Variants in BICD1 observed in about 807,000 individuals in gnomAD.
The protein encoded by BICD1 is protein bicaudal D homolog 1.
BICD1 carries 35 observed loss-of-function variants against 92.5 expected under a neutral mutation model. The ratio of observed to expected loss-of-function variants is 0.38; its 90% CI spans 0.29 to 0.50. The LOEUF is 0.50. Ranked by LOEUF, BICD1 falls within the 20% of genes least tolerant of loss-of-function variation. The probability of loss-of-function intolerance (pLI) is 0.93; values close to 1 mark genes in which losing one functional copy is unlikely to be tolerated. For missense variants in BICD1, 950 were observed against 1,189.8 expected, an observed-to-expected ratio of 0.80 and a Z score of 2.97; for synonymous variants, 429 against 465.1, an observed-to-expected ratio of 0.92 and a Z score of 1.00.
chr12:32,307,465 AT>A (rs1948260243), intron 4 of BICD1, among the ~76,000 whole-genome samples: 2 of 152,188 alleles, frequency 1.3e-5, no homozygotes, highest in Admixed American at 1.3e-4. Context: ...ATTTATACAA[AT>A]TGTGGAGCTC....
At chr12:32,257,354 G>A (rs931754001) in intron 2 of BICD1, among the ~76,000 whole-genome samples, 1 of 151,508 alleles carries the variant, frequency 6.6e-6, no homozygotes, top group Non-Finnish European at 1.5e-5. Context: ...AATTATATTT[G>A]TTCTGGAATA....
chr12:32,185,752 C>T (rs1009207814), intron 1 of BICD1, among the ~76,000 whole-genome samples: 1 of 152,108 alleles, frequency 6.6e-6, no homozygotes, highest in African/African-American at 2.4e-5. Context: ...GAATCCACCA[C>T]AGTTAACAAA....
chr12:32,115,258 A>C (rs1366856453), intron 1 of BICD1, among the ~76,000 whole-genome samples: 3 of 152,104 alleles, frequency 2.0e-5, no homozygotes, highest in African/African-American at 7.2e-5. Context: ...AGCATATATA[A>C]ATTAATAGTT....
At chr12:32,207,769 C>T (rs1945102963) in intron 1 of BICD1, among the ~76,000 whole-genome samples, 1 of 152,110 alleles carries the variant, frequency 6.6e-6, no homozygotes, top group Admixed American at 6.5e-5. Flanking sequence ...ACCGTAAGAG[C>T]CTATGCCTCT....
chr12:32,174,351 C>T (rs1425365568), intron 1 of BICD1, among the ~76,000 whole-genome samples: 1 of 151,756 alleles, frequency 6.6e-6, no homozygotes, highest in Non-Finnish European at 1.5e-5. Flanking sequence ...AAGTGTAATC[C>T]ACTGAGCCAG....
intron 4 of BICD1, among the ~76,000 whole-genome samples, chr12:32,315,890 C>T (rs1948485596): frequency 6.6e-6 from 1 of 152,032 alleles, no homozygotes; most frequent in African/African-American, 2.4e-5. Flanking sequence ...AATCCTAGCA[C>T]TTTGGGAGGC....
intron 1 of BICD1, among the ~76,000 whole-genome samples, chr12:32,116,055 G>T (rs1341325437): frequency 1.4e-4 from 22 of 152,176 alleles, no homozygotes; most frequent in Non-Finnish European, 1.5e-5. Context: ...AAAATGTTCA[G>T]TGAAGGTGTT....
At chr12:32,286,185 C>T (rs1452698160) in intron 2 of BICD1, among the ~76,000 whole-genome samples, 1 of 152,082 alleles carries the variant, frequency 6.6e-6, no homozygotes, top group Non-Finnish European at 1.5e-5. Flanking sequence ...TGTTTCACTG[C>T]ATAAGATTTT....
intron 1 of BICD1, among the ~76,000 whole-genome samples, chr12:32,149,375 A>G (rs1943220026): frequency 6.6e-6 from 1 of 152,272 alleles, no homozygotes; most frequent in South Asian, 2.1e-4. Context: ...AGTTATTAAT[A>G]TACAAGTTAC....
At chr12:32,364,967 G>A (rs1939471714) in intron 8 of BICD1, among the ~76,000 whole-genome samples, 1 of 152,146 alleles carries the variant, frequency 6.6e-6, no homozygotes, top group African/African-American at 2.4e-5. Context: ...CGAGTGCAGT[G>A]GCTCACACCT....
At chr12:32,213,067 G>A (rs952416143) in intron 1 of BICD1, among the ~76,000 whole-genome samples, 17 of 152,180 alleles carry the variant, frequency 1.1e-4, no homozygotes, top group South Asian at 2.1e-4. Context: ...AGAAATTGAC[G>A]TTGATACAAT....
chr12:32,244,834 G>T (rs1380037973), intron 2 of BICD1, among the ~76,000 whole-genome samples: 1 of 152,022 alleles, frequency 6.6e-6, no homozygotes, highest in African/African-American at 2.4e-5. Context: ...TCACCATGTT[G>T]GCCAGTATGA....
chr12:32,149,121 C>G (rs1284191633), intron 1 of BICD1, among the ~76,000 whole-genome samples: 1 of 152,096 alleles, frequency 6.6e-6, no homozygotes, highest in African/African-American at 2.4e-5. Flanking sequence ...TGTTCCTGTA[C>G]TGCACTGGGT....
intron 2 of BICD1, among the ~76,000 whole-genome samples, chr12:32,237,024 G>A (rs969108277): frequency 4.6e-5 from 7 of 151,902 alleles, no homozygotes; most frequent in African/African-American, 1.2e-4. Flanking sequence ...ACTGGTGCCC[G>A]CCACCATACC....
chr12:32,158,998 A>G (rs1167690726), intron 1 of BICD1, among the ~76,000 whole-genome samples: 1 of 152,112 alleles, frequency 6.6e-6, no homozygotes. Context: ...CAGTGGCACA[A>G]TCTCAGCGCA....
intron 2 of BICD1, among the ~76,000 whole-genome samples, chr12:32,264,758 G>A (rs984922691): frequency 2.0e-5 from 3 of 152,096 alleles, no homozygotes; most frequent in Non-Finnish European, 2.9e-5. Context: ...CAAAATGCTG[G>A]GATTACAGGT....
rs1167707839 is a variant in BICD1, at chr12:32,260,826, A to G, written c.427-33168A>G. Reference sequence around the variant, plus strand: ...GCCCTTTAGGGTTTCAGGACAATTCACTGTGTGGGTGAGCAGCATCTGCTT... The same window carrying G: ...GCCCTTTAGGGTTTCAGGACAATTCGCTGTGTGGGTGAGCAGCATCTGCTT... On this transcript the variant is annotated intron_variant, in intron 2 of 9. Transcript: ENST00000652176. 2.6e-5 allele frequency among the ~76,000 whole-genome samples: 4 copies of G among 152,160 alleles called. No homozygotes were observed. The East Asian group carries it at 7.7e-4, about 29-fold the overall frequency.
chr12:32,115,795 A>G (rs1941869873), intron 1 of BICD1, among the ~76,000 whole-genome samples: 1 of 152,146 alleles, frequency 6.6e-6, no homozygotes. Context: ...TTAGCTGCTG[A>G]TGGAGATACG....
chr12:32,217,159 C>A (rs1253180118), intron 2 of BICD1, among the ~76,000 whole-genome samples: 1 of 152,158 alleles, frequency 6.6e-6, no homozygotes, highest in Non-Finnish European at 1.5e-5. Flanking sequence ...TCCATCAAAC[C>A]CCTGTAAGAA....
Sources: allele counts gnomAD v4.1 joint callset (sites outside exome capture counted in the v4.1 genomes callset), GRCh38; gene constraint gnomAD v4.1.1; transcripts MANE v1.5; gene names NCBI Gene and HGNC (gene_info 2026-07-23, HGNC 2026-07-21).